Variants in PDE5A observed in about 807,000 individuals in gnomAD.
PDE5A encodes cGMP-specific 3',5'-cyclic phosphodiesterase.
PDE5A carries 67 observed loss-of-function variants against 110.2 expected under a neutral mutation model. The observed-to-expected ratio is 0.61, with a 90% CI of 0.50 to 0.75. The LOEUF is 0.75. Among genes scored for constraint, PDE5A ranks in the 30% least tolerant of loss-of-function variants. PDE5A has a pLI of 0.00. For missense variants in PDE5A, 862 were observed against 1,045.1 expected, an observed-to-expected ratio of 0.82 and a Z score of 2.42; for synonymous variants, 328 against 351.2, an observed-to-expected ratio of 0.93 and a Z score of 0.74.
At chr4:119,502,716 A>G in intron 18 of PDE5A, 61 bp from the exon 19 acceptor site, 2 of 1,093,870 alleles carry the variant, frequency 1.8e-6, no homozygotes, top group Non-Finnish European at 2.8e-6. Context: ...TAAAACAGAG[A>G]CCGTGAATGA....
rs368966319 is a variant in PDE5A at position 119,560,334 on chromosome 4, C to T, written c.1161G>A (p.Glu387=). The T allele has an allele frequency of 5.7e-6, 9 of 1,590,710 alleles. No individual in the cohort carries two copies. In the African/African-American group the frequency reaches 1.1e-4, roughly 19 times the overall value. The change falls in exon 7 of 21, where the codon GAG becomes GAA. Residue 387 remains glutamate, a synonymous_variant. Transcript: ENST00000354960. ...CAGATGATTTTTCTAATTCCTCACA[C>T]TCCATGTGAAACACACTAGAAAAAG... ...SDSFSSVFHM[E]CEELEKSSDT...
rs542869012 is a variant in PDE5A at position 119,576,364 on chromosome 4, C to A, written c.832-9220G>T. 5.8e-4 allele frequency among the ~76,000 whole-genome samples: 89 copies of A among 152,276 alleles called. 1 individual carries two copies. Among genetic ancestry groups the A allele is most frequent in the African/African-American group, 2.1e-3 (88 of 41,552 alleles). ...AATAGACATCTACAGAACTCTCCAC[C>A]CCAAATCAACAGAATATACACTCTT... On this transcript the variant is annotated intron_variant, in intron 3 of 20. Transcript: ENST00000354960.
At chr4:119,593,917 G>A (rs1014309288) in intron 3 of PDE5A, among the ~76,000 whole-genome samples, 1 of 152,068 alleles carries the variant, frequency 6.6e-6, no homozygotes, top group African/African-American at 2.4e-5. Flanking sequence ...AGTACAAGTA[G>A]GGGAAATGCC....
intron 11 of PDE5A, among the ~76,000 whole-genome samples, chr4:119,530,313 T>G (rs1036089056): frequency 1.3e-5 from 2 of 152,134 alleles, no homozygotes; most frequent in Non-Finnish European, 2.9e-5. Context: ...TTTATGGCTT[T>G]CCTAAAACAG....
intron 14 of PDE5A, chr4:119,512,605 G>C (rs1456972381): frequency 6.6e-6 from 1 of 152,188 alleles, no homozygotes; most frequent in Non-Finnish European, 1.5e-5. Flanking sequence ...GAGTAGATCA[G>C]ATAGGAACTG....
chr4:119,533,374 T>C (rs995678993), intron 11 of PDE5A, among the ~76,000 whole-genome samples: 2 of 152,142 alleles, frequency 1.3e-5, no homozygotes, highest in African/African-American at 4.8e-5. Flanking sequence ...CATTACACCT[T>C]ATGGAAGACC....
At chr4:119,542,775 C>T in intron 9 of PDE5A, 141 bp from the exon 10 acceptor site, 1 of 681,334 alleles carries the variant, frequency 1.5e-6, no homozygotes, top group Non-Finnish European at 2.5e-6. Context: ...TTAACCCCCA[C>T]AAATATAAGC....
chr4:119,600,712 G>A (rs1729315980), intron 2 of PDE5A, among the ~76,000 whole-genome samples: 1 of 152,138 alleles, frequency 6.6e-6, no homozygotes. Context: ...TAATTGATGT[G>A]AATGCATGAA....
chr4:119,537,472 C>G (rs1418127552), intron 11 of PDE5A, among the ~76,000 whole-genome samples: 1 of 152,038 alleles, frequency 6.6e-6, no homozygotes, highest in Non-Finnish European at 1.5e-5. Context: ...CTTTATTTTG[C>G]CTTCTGTGCC....
Position 119,498,206 on chromosome 4 carries a change from A to T in PDE5A, c.*395T>A, listed in dbSNP as rs1362241990. On this transcript the variant is annotated 3_prime_UTR_variant, in exon 21 of 21. Coordinates refer to ENST00000354960, the MANE Select transcript of PDE5A (RefSeq NM_001083.4). ...AATTTGCTCCTAACCTACTTTTGAA[A>T]AAGGAAAGATTCCAAACATTCTTGA... 6.3e-6 allele frequency: 1 copy of T among 158,712 alleles called. No individual in the cohort carries two copies. The highest frequency in any genetic ancestry group is 2.4e-5 in the African/African-American group (1 of 41,638). 9.8% of individuals were successfully genotyped at this position (158,712 alleles called of 1,614,324 possible).
chr4:119,627,127 T>C lies in PDE5A; in HGVS notation c.152+1393A>G. 1.2e-6 allele frequency: 2 copies of C among 1,610,960 alleles called. No homozygotes were observed. The highest frequency in any genetic ancestry group is 8.5e-7 in the Non-Finnish European group (1 of 1,178,388). ...CCCCCGGAAAAAGTGGGAAGGGACG[T>C]AGGGGGATGCTGAAGGAAGTACCTT... On this transcript the variant is annotated intron_variant, in intron 1 of 20. Transcript: ENST00000354960. The surrounding 1 kb of genome is among the most constrained non-coding windows in gnomAD (Gnocchi z 4.6).
At chr4:119,617,659 G>A (rs937453389) in intron 1 of PDE5A, among the ~76,000 whole-genome samples, 1 of 152,032 alleles carries the variant, frequency 6.6e-6, no homozygotes, top group Non-Finnish European at 1.5e-5. Flanking sequence ...TAACCCTCAC[G>A]AGTTAAAAGT....
intron 3 of PDE5A, among the ~76,000 whole-genome samples, chr4:119,574,519 G>A (rs1728261256): frequency 6.6e-6 from 1 of 151,926 alleles, no homozygotes; most frequent in African/African-American, 2.4e-5. Flanking sequence ...TTATACTCAA[G>A]GAATCATGGA....
chr4:119,628,402 G>C (rs1730439923), intron 1 of PDE5A, 118 bp downstream of exon 1: 1 of 743,622 alleles, frequency 1.3e-6, no homozygotes, highest in African/African-American at 1.8e-5. Context: ...TTTCTACCTC[G>C]TAACAGGACC....
chr4:119,498,837 T>G lies in PDE5A; in HGVS notation c.2491-99A>C, dbSNP rs1725187466. 4 of 1,248,004 alleles carry G rather than the reference T, an allele frequency of 3.2e-6. No homozygotes were observed. In the East Asian group the frequency reaches 9.4e-5, roughly 29 times the overall value. The allele number at this position is 1,248,004 out of a possible 1,614,324, so 77.3% of individuals were successfully genotyped here. On this transcript the variant is annotated intron_variant, in intron 20 of 20. Transcript: ENST00000354960. The stretch of plus-strand genomic sequence containing the variant: ...AGGGCCACATCCCACACTCATTTCA[T>G]AAGCAGACTCACTGTTGAAATTTTC...
At chr4:119,538,427 C>T (rs1334038598) in intron 11 of PDE5A, among the ~76,000 whole-genome samples, 1 of 152,080 alleles carries the variant, frequency 6.6e-6, no homozygotes, top group Non-Finnish European at 1.5e-5. Context: ...CTCAACCAAG[C>T]CATTCCAAAC....
chr4:119,498,809 C>T, intron 20 of PDE5A, 71 bp from the exon 21 acceptor site: 2 of 1,507,626 alleles, frequency 1.3e-6, no homozygotes, highest in Admixed American at 3.4e-5. Context: ...AGGCCTGTTA[C>T]AAAGGGCCAC....
At chr4:119,548,733 C>A (rs997436406) in intron 9 of PDE5A, 10 of 152,156 alleles carry the variant, frequency 6.6e-5, no homozygotes, top group African/African-American at 2.4e-4. Flanking sequence ...TAGATCTTCA[C>A]TTCCATAATT....
rs1374569148 is a variant in PDE5A, at chr4:119,605,838, C to G, written c.741+871G>C. Among the ~76,000 whole-genome samples the G allele has an allele frequency of 2.0e-5, 3 of 152,262 alleles. No individual in the cohort carries two copies. The East Asian group carries it at 5.8e-4, about 29-fold the overall frequency. On this transcript the variant is annotated intron_variant, in intron 2 of 20. Transcript: ENST00000354960. ...GCCAGGCACTATAAGGCACCAGGAA[C>G]ACAATAAAACAGCTATGACTCTCTG... is the stretch of plus-strand genomic sequence containing the variant.
Sources: allele counts gnomAD v4.1 joint callset (sites outside exome capture counted in the v4.1 genomes callset), GRCh38; gene constraint gnomAD v4.1.1; non-coding constraint Gnocchi (gnomAD v3.1); transcripts MANE v1.5; gene names NCBI Gene and HGNC (gene_info 2026-07-23, HGNC 2026-07-21).